Variants in COL14A1 observed in about 807,000 individuals in gnomAD.
COL14A1 encodes collagen alpha-1(XIV) chain.
In COL14A1, 136 loss-of-function variants were observed where a neutral mutation model predicts 230.3. The observed-to-expected ratio is 0.59, with a 90% CI of 0.51 to 0.68. The LOEUF (loss-of-function observed/expected upper bound fraction) is 0.68, where lower values mean the gene tolerates loss of function less well. Among genes scored for constraint, COL14A1 ranks in the 30% least tolerant of loss-of-function variants. The probability of loss-of-function intolerance (pLI) is 0.00; values close to 1 mark genes in which losing one functional copy is unlikely to be tolerated. For synonymous variants in COL14A1, 792 were observed against 784.1 expected (o/e 1.01, Z -0.17); for missense variants, 1,976 against 2,215.8 (o/e 0.89, Z 2.17).
intron 23 of COL14A1, among the ~76,000 whole-genome samples, chr8:120,259,510 T>G (rs1819261600): frequency 6.6e-6 from 1 of 152,204 alleles, no homozygotes; most frequent in African/African-American, 2.4e-5. Flanking sequence ...CCAATAGGCC[T>G]GAATTGCACA....
intron 19 of COL14A1, among the ~76,000 whole-genome samples, chr8:120,235,675 C>T (rs1286019845): frequency 1.3e-5 from 2 of 151,980 alleles, no homozygotes; most frequent in African/African-American, 2.4e-5. Flanking sequence ...AATTTGTTTG[C>T]TCTTGGTTCT....
At chr8:120,282,617 C>CA (rs1246380650) in intron 31 of COL14A1, among the ~76,000 whole-genome samples, 3 of 152,074 alleles carry the variant, frequency 2.0e-5, no homozygotes, top group Non-Finnish European at 4.4e-5. Context: ...TTTTCAAACG[C>CA]ACGCTAAACT....
In COL14A1 at chr8:120,231,729, C is replaced by A. The variant is rs919859729; in HGVS notation, c.2349+111C>A. ...TACTGCTCTTTTCTCAGTGACTCTG[C>A]CATCTCCAGAAACTAATGTTCTCTG... On this transcript the variant is annotated intron_variant, in intron 19 of 47. Transcript: ENST00000297848. 5.5e-5 allele frequency: 62 copies of A among 1,126,794 alleles called. 1 individual carries two copies. Among genetic ancestry groups the A allele is most frequent in the Non-Finnish European group, 7.5e-5 (61 of 808,516 alleles). The allele number at this position is 1,126,794 out of a possible 1,614,324, so 69.8% of individuals were successfully genotyped here. A position where few individuals can be genotyped will look rare whatever the true frequency, so the allele number is the denominator to read the frequency against.
chr8:120,350,130 C>A (rs1379556432), intron 45 of COL14A1, among the ~76,000 whole-genome samples: 1 of 151,916 alleles, frequency 6.6e-6, no homozygotes, highest in Non-Finnish European at 1.5e-5. Flanking sequence ...CATATCCAGC[C>A]AAACTAAGCT....
intron 45 of COL14A1, among the ~76,000 whole-genome samples, chr8:120,355,665 C>T (rs1822956982): frequency 6.6e-6 from 1 of 152,056 alleles, no homozygotes; most frequent in Non-Finnish European, 1.5e-5. Context: ...ACCCCCCCAC[C>T]CCGCCTCGGC....
Position 120,345,560 on chromosome 8 carries a change from C to A in COL14A1, c.5074C>A (p.Arg1692=), listed in dbSNP as rs1381809857. The change falls in exon 45 of 48, where the codon CGA becomes AGA. Residue 1692 remains arginine, a synonymous_variant. Coordinates refer to ENST00000297848, the MANE Select transcript of COL14A1 (RefSeq NM_021110.4). ...AGGCGTGCCAGGGACCCCAGGAGAA[C>A]GAGGTAAGCTGGGCCCCTTCTCTCA... is the stretch of plus-strand genomic sequence containing the variant. ...NAGVPGTPGE[R]GLTGIKGEKG... 6.5e-7 allele frequency: 1 copy of A among 1,543,442 alleles called. No individual in the cohort carries two copies. The highest frequency in any genetic ancestry group is 1.4e-5 in the African/African-American group (1 of 70,610).
intron 45 of COL14A1, among the ~76,000 whole-genome samples, chr8:120,362,983 T>C (rs1229752246): frequency 6.6e-6 from 1 of 152,202 alleles, no homozygotes; most frequent in Non-Finnish European, 1.5e-5. Flanking sequence ...GAGCCAATTA[T>C]ATTCATCTCT....
intron 8 of COL14A1, 134 bp downstream of exon 8, chr8:120,199,700 G>C: frequency 3.6e-6 from 3 of 832,836 alleles, no homozygotes; most frequent in Non-Finnish European, 5.5e-6. Flanking sequence ...CTTGTCATAG[G>C]CAGCCCTGTG....
At position 120,218,034 on chromosome 8, in the gene COL14A1, A is replaced by G. The variant is rs1036774677; in HGVS notation, c.1737+1544A>G. 1.5e-3 allele frequency among the ~76,000 whole-genome samples: 210 copies of G among 142,356 alleles called. 5 individuals are homozygous for G. Among genetic ancestry groups the G allele is most frequent in the African/African-American group, 5.2e-3 (205 of 39,128 alleles). 93.4% of individuals were successfully genotyped at this position (142,356 alleles called of 152,430 possible). ...TAAATTATATATTATAAATATAAAT[A>G]AATATATATTATATATCTATTTTTA... On this transcript the variant is annotated intron_variant, in intron 14 of 47. Transcript: ENST00000297848.
At chr8:120,133,306 G>GATATCAACT (rs1814605023) in intron 1 of COL14A1, among the ~76,000 whole-genome samples, 7 of 150,950 alleles carry the variant, frequency 4.6e-5, no homozygotes, top group Non-Finnish European at 4.4e-5. Flanking sequence ...TTATAAAACT[G>GATATCAACT]GAAAAAATAA....
At chr8:120,229,983 T>C (rs10100745) in intron 18 of COL14A1, among the ~76,000 whole-genome samples, 103,492 of 152,050 alleles carry the variant, frequency 0.68, 35,663 homozygotes, top group East Asian at 0.85. Context: ...TGGGCTCATG[T>C]GATCCTCCAG....
intron 33 of COL14A1, among the ~76,000 whole-genome samples, chr8:120,286,208 C>T (rs1316938600): frequency 6.6e-6 from 1 of 151,758 alleles, no homozygotes; most frequent in Non-Finnish European, 1.5e-5. Context: ...GGGCACTTTC[C>T]TCTTTGAGGA....
intron 5 of COL14A1, among the ~76,000 whole-genome samples, chr8:120,195,056 G>C (rs1374895821): frequency 6.6e-6 from 1 of 152,146 alleles, no homozygotes; most frequent in Non-Finnish European, 1.5e-5. Flanking sequence ...AAGTTGTACT[G>C]TTTAGCTTCC....
intron 14 of COL14A1, among the ~76,000 whole-genome samples, chr8:120,222,586 A>G (rs886606243): frequency 6.6e-6 from 1 of 152,218 alleles, no homozygotes; most frequent in Admixed American, 6.5e-5. Context: ...ACAATGGTAC[A>G]GTACAATGAC....
In COL14A1 at chr8:120,231,548, G is replaced by A. The variant is rs750236903; in HGVS notation, c.2279G>A (p.Ser760Asn). The stretch of plus-strand genomic sequence containing the variant: ...CGGGTAAAATGGGACATTTCTGACA[G>A]CGATGTGCAGCAGTTTAGGGTGACC... ...SLRVKWDISD[S>N]DVQQFRVTYM... Residue 760 changes from serine to asparagine, a missense_variant, in exon 19 of 48, where the codon AGC becomes AAC. Ser to Asn is a conservative substitution (Grantham distance 46). This residue lies in a region of COL14A1 where 1,791 missense variants were observed against 2,019.5 expected (regional missense o/e 0.89). Transcript: ENST00000297848. The A allele has an allele frequency of 4.3e-6, 7 of 1,614,104 alleles. No individual in the cohort carries two copies. The South Asian group carries it at 7.7e-5, about 18-fold the overall frequency.
chr8:120,166,921 T>TGG (rs371063056), intron 4 of COL14A1, among the ~76,000 whole-genome samples: 2 of 137,286 alleles, frequency 1.5e-5, no homozygotes, highest in Non-Finnish European at 3.1e-5. Context: ...TGTGTGTGTG[T>TGG]GGTGGTGATG....
At chr8:120,249,087 C>A (rs868347836) in intron 21 of COL14A1, among the ~76,000 whole-genome samples, 7 of 127,456 alleles carry the variant, frequency 5.5e-5, no homozygotes, top group Middle Eastern at 3.8e-3. Flanking sequence ...CCACCACGCC[C>A]GGCTAATTTT....
At chr8:120,330,281 T>C (rs16893922) in intron 40 of COL14A1, among the ~76,000 whole-genome samples, 6,432 of 152,240 alleles carry the variant, frequency 0.042, 164 homozygotes, top group African/African-American at 0.065. Context: ...GGCAAAGGGC[T>C]TTGCTGACCA....
Position 120,266,827 on chromosome 8 carries a change from A to G in COL14A1, c.3017A>G (p.Gln1006Arg), listed in dbSNP as rs750609638. 10 of 1,611,522 alleles carry G rather than the reference A, an allele frequency of 6.2e-6. No homozygotes were observed. Among genetic ancestry groups the G allele is most frequent in the Non-Finnish European group, 8.5e-6 (10 of 1,178,210 alleles). The change falls in exon 25 of 48, where the codon CAA (glutamine) becomes CGA (arginine). Residue 1006 changes from glutamine (Q) to arginine (R), a missense_variant and splice_region_variant. By Grantham distance (43) the Gln-to-Arg change is conservative. Coordinates refer to ENST00000297848, the MANE Select transcript of COL14A1 (RefSeq NM_021110.4). ...GPSVSIMEKT[Q>R]SLPTRPPTFP... ...TGTCCTTTCTCCCTTTCCTTTACAG[A>G]ATCACTTCCTACACGACCACCAACT...
Sources: gnomAD v4.1 joint callset for allele counts (sites outside exome capture counted in the v4.1 genomes callset) on GRCh38, gnomAD v4.1.1 for gene constraint, gnomAD v4.1.1 regional missense constraint, MANE v1.5 for transcripts, NCBI Gene and HGNC (gene_info 2026-07-23, HGNC 2026-07-21) for gene names.